Variants in DZANK1 observed in about 807,000 individuals in gnomAD.
The protein encoded by DZANK1 is double zinc ribbon and ankyrin repeat domains 1.
DZANK1 carries 91 observed loss-of-function variants against 94.5 expected under a neutral mutation model. The ratio of observed to expected loss-of-function variants is 0.96; its 90% CI spans 0.81 to 1.15. DZANK1 has a LOEUF of 1.15. Among genes scored for constraint, DZANK1 ranks in the 50% most tolerant of loss-of-function variants. The pLI, the probability that DZANK1 is intolerant of heterozygous loss-of-function variation, is 0.00. For missense variants in DZANK1, 903 were observed against 916.4 expected (o/e 0.99, Z 0.19); for synonymous variants, 312 against 325.3 (o/e 0.96, Z 0.44).
intron 2 of DZANK1, among the ~76,000 whole-genome samples, chr20:18,462,142 T>C (rs1857679369): frequency 6.6e-6 from 1 of 152,172 alleles, no homozygotes; most frequent in South Asian, 2.1e-4. Flanking sequence ...GAATGTTTGC[T>C]GAATACCTAT....
At chr20:18,404,124 A>ATT (rs796900990) in intron 13 of DZANK1, among the ~76,000 whole-genome samples, 3 of 145,216 alleles carry the variant, frequency 2.1e-5, no homozygotes, top group African/African-American at 7.6e-5. Flanking sequence ...ACATTATGAG[A>ATT]TTTTTTTTTT....
chr20:18,439,369 T>A (rs995583562), intron 8 of DZANK1, among the ~76,000 whole-genome samples: 1 of 152,190 alleles, frequency 6.6e-6, no homozygotes, highest in African/African-American at 2.4e-5. Flanking sequence ...TGAACTGATT[T>A]ATGTCTGGAA....
chr20:18,456,043 A>C (rs1020794475), intron 3 of DZANK1, among the ~76,000 whole-genome samples: 6 of 152,330 alleles, frequency 3.9e-5, no homozygotes, highest in Middle Eastern at 6.8e-3. Flanking sequence ...AAAGGGCATA[A>C]ATTCTGGGAG....
rs1420179625 is a variant in DZANK1 at position 18,393,628 on chromosome 20, T to C, written c.1809+83A>G. On this transcript the variant is annotated intron_variant, in intron 17 of 20. Transcript: ENST00000262547. ...AGGAACAGAAAATGAGAAATTATTC[T>C]TCCATTTTAAAAAAGGTCAAAATAA... 7.9e-6 allele frequency: 7 copies of C among 881,862 alleles called. No homozygotes were observed. In the Admixed American group the frequency reaches 1.6e-4, roughly 21 times the overall value. The allele number at this position is 881,862 out of a possible 1,614,324, so 54.6% of individuals were successfully genotyped here.
At chr20:18,425,757 G>A (rs1277068346) in intron 10 of DZANK1, among the ~76,000 whole-genome samples, 1 of 152,156 alleles carries the variant, frequency 6.6e-6, no homozygotes, top group Non-Finnish European at 1.5e-5. Flanking sequence ...ATGAAAAAGG[G>A]AAATCTGGAC....
chr20:18,452,849 T>A (rs1335938663), intron 5 of DZANK1, 110 bp from the exon 6 acceptor site: 15 of 1,119,248 alleles, frequency 1.3e-5, no homozygotes, highest in East Asian at 1.3e-4. Context: ...TGTCACCACA[T>A]TGCTTCCCTA....
intron 8 of DZANK1, among the ~76,000 whole-genome samples, chr20:18,435,069 T>C (rs1459258399): frequency 6.6e-6 from 1 of 152,158 alleles, no homozygotes; most frequent in Admixed American, 6.5e-5. Flanking sequence ...CACACCGCCC[T>C]GGCTGATGGG....
At chr20:18,448,930 C>G (rs1371592005) in intron 7 of DZANK1, 54 bp downstream of exon 7, 1 of 1,397,366 alleles carries the variant, frequency 7.2e-7, no homozygotes, top group African/African-American at 1.5e-5. Flanking sequence ...TTCTCTTTGA[C>G]CATGATGTAT....
intron 12 of DZANK1, 32 bp from the exon 13 acceptor site, chr20:18,412,885 T>G: frequency 6.4e-7 from 1 of 1,553,696 alleles, no homozygotes; most frequent in South Asian, 1.2e-5. Context: ...TTTTTAAAAT[T>G]AGAATATAAT....
chr20:18,428,659 G>A (rs1007225289), intron 9 of DZANK1: 1 of 152,192 alleles, frequency 6.6e-6, no homozygotes, highest in Non-Finnish European at 1.5e-5. Flanking sequence ...CATTGATAAT[G>A]ACCAGTGGTG....
intron 13 of DZANK1, among the ~76,000 whole-genome samples, chr20:18,403,709 T>C (rs1181001627): frequency 2.1e-5 from 2 of 94,094 alleles, no homozygotes; most frequent in Non-Finnish European, 4.7e-5. Context: ...AAAGCCAGGT[T>C]GTCCAACCCA....
chr20:18,454,854 A>T (rs1427111786), intron 4 of DZANK1, among the ~76,000 whole-genome samples: 1 of 152,238 alleles, frequency 6.6e-6, no homozygotes, highest in Non-Finnish European at 1.5e-5. Context: ...GGGTGCCAGG[A>T]TAGCAGTGAT....
At chr20:18,399,672 T>C (rs1388234996) in intron 13 of DZANK1, among the ~76,000 whole-genome samples, 1 of 152,226 alleles carries the variant, frequency 6.6e-6, no homozygotes, top group African/African-American at 2.4e-5. Context: ...TTTGAATTAG[T>C]TGCCACCATT....
chr20:18,422,796 G>GTTTTTTTTTT (rs2057847380), intron 10 of DZANK1, among the ~76,000 whole-genome samples: 1 of 45,202 alleles, frequency 2.2e-5, no homozygotes, highest in Non-Finnish European at 6.2e-5. Flanking sequence ...CTCTGGCTTT[G>GTTTTTTTTTT]TTCTTTTTTT....
chr20:18,464,159 C>T (rs1158356092), intron 2 of DZANK1, among the ~76,000 whole-genome samples: 2 of 151,882 alleles, frequency 1.3e-5, no homozygotes, highest in African/African-American at 4.8e-5. Flanking sequence ...CTGCAACCTC[C>T]GCCTCCTGGC....
intron 19 of DZANK1, among the ~76,000 whole-genome samples, chr20:18,387,447 T>C (rs2048572908): frequency 6.6e-6 from 1 of 152,226 alleles, no homozygotes; most frequent in Non-Finnish European, 1.5e-5. Context: ...GTACATTCTC[T>C]CCTTAAATTA....
chr20:18,396,484 T>C (rs374199970), exon 15 of DZANK1: 2 of 1,612,976 alleles, frequency 1.2e-6, no homozygotes, highest in Non-Finnish European at 1.7e-6. Flanking sequence ...TGTTTGAGAC[T>C]TGACTATAAT....
intron 14 of DZANK1, among the ~76,000 whole-genome samples, chr20:18,398,050 G>T (rs993767152): frequency 6.6e-6 from 1 of 152,138 alleles, no homozygotes; most frequent in African/African-American, 2.4e-5. Context: ...AGGAATTTGT[G>T]GTTATTTTTT....
At chr20:18,384,307 C>A (rs969291596) in exon 21 of DZANK1, 20 of 1,352,830 alleles carry the variant, frequency 1.5e-5, no homozygotes, top group Non-Finnish European at 1.9e-5. Context: ...GATACGCCAG[C>A]CTCAGCCTCC....
Sources: allele counts gnomAD v4.1 joint callset (sites outside exome capture counted in the v4.1 genomes callset), GRCh38; gene constraint gnomAD v4.1.1; transcripts MANE v1.5; gene names NCBI Gene and HGNC (gene_info 2026-07-23, HGNC 2026-07-21).